INPP5D: variants seen among roughly 807,000 people sequenced by gnomAD.
INPP5D encodes inositol polyphosphate-5-phosphatase D.
A neutral mutation model predicts 122.9 loss-of-function variants in INPP5D; 33 were observed. The ratio of observed to expected loss-of-function variants is 0.27; its 90% CI spans 0.20 to 0.36. The LOEUF (loss-of-function observed/expected upper bound fraction) is 0.36. Among genes scored for constraint, INPP5D ranks in the 10% least tolerant of loss-of-function variants. The pLI, the probability that INPP5D is intolerant of heterozygous loss-of-function variation, is 1.00. For synonymous variants in INPP5D, 584 were observed against 576.2 expected (o/e 1.01, Z -0.19); for missense variants, 1,053 against 1,412.7 (o/e 0.75, Z 4.08).
chr2:233,091,258 C>G (rs1691986250), intron 2 of INPP5D, among the ~76,000 whole-genome samples: 1 of 152,340 alleles, frequency 6.6e-6, no homozygotes, highest in Middle Eastern at 3.4e-3. Flanking sequence ...CCTTATAGCA[C>G]TCCTGTTTTT....
At position 233,189,731 on chromosome 2, in the gene INPP5D, A is replaced by G. The variant is rs1695003461; in HGVS notation, c.2359-119A>G. ...ACCTGCTCTCTTGGGTATGGACAGC[A>G]GAGATTTAGATCTGATTACTAAGAA... On this transcript the variant is annotated intron_variant, in intron 21 of 26. Coordinates refer to ENST00000445964, the MANE Select transcript of INPP5D (RefSeq NM_001017915.3). The surrounding 1 kb of genome is among the most constrained non-coding windows in gnomAD (Gnocchi z 5.6). The G allele has an allele frequency of 7.0e-7, 1 of 1,435,118 alleles. No homozygotes were observed. The highest frequency in any genetic ancestry group is 9.3e-7 in the Non-Finnish European group (1 of 1,071,648). The allele number at this position is 1,435,118 out of a possible 1,614,324, so 88.9% of individuals were successfully genotyped here.
At chr2:233,113,906 CTTTTTTTT>C (rs778997649) in intron 2 of INPP5D, among the ~76,000 whole-genome samples, 1 of 127,766 alleles carries the variant, frequency 7.8e-6, no homozygotes, top group African/African-American at 3.2e-5. Flanking sequence ...CCAAACCACT[CTTTTTTTT>C]TTTTTTTTTT....
intron 18 of INPP5D, among the ~76,000 whole-genome samples, chr2:233,180,002 C>T (rs1694742952): frequency 6.6e-6 from 1 of 152,178 alleles, no homozygotes; most frequent in Non-Finnish European, 1.5e-5. Flanking sequence ...GGCAGGAGCC[C>T]ATCAGATCTG....
rs10208466 is a variant in INPP5D at position 233,183,238 on chromosome 2, G to T, written c.2161+739G>T. 0.023 allele frequency among the ~76,000 whole-genome samples: 3,509 copies of T among 152,220 alleles called. 58 individuals carry two copies. Among genetic ancestry groups the T allele is most frequent in the African/African-American group, 0.036 (1,500 of 41,522 alleles). ...GTCTCTGCCCAGTCTCTGCTTCCGC[G>T]GTCAGCCCAGTGGTCACTGGGCTCC... On this transcript the variant is annotated intron_variant, in intron 19 of 26. Transcript: ENST00000445964. This position sits in a 1 kb window ranked among gnomAD's most constrained non-coding sequence, Gnocchi z 4.6.
chr2:233,158,462 G>A (rs767727828), intron 10 of INPP5D, 43 bp downstream of exon 10: 2 of 681,408 alleles, frequency 2.9e-6, no homozygotes, highest in South Asian at 1.6e-5. Context: ...GAGGTAGGGA[G>A]GGGACACAAG....
At chr2:233,073,454 A>G (rs1691435232) in intron 1 of INPP5D, among the ~76,000 whole-genome samples, 1 of 152,086 alleles carries the variant, frequency 6.6e-6, no homozygotes. Flanking sequence ...AGCCTGGCCA[A>G]CATGGTGAAA....
chr2:233,168,810 T>G (rs1297135606), intron 13 of INPP5D: 1 of 153,664 alleles, frequency 6.5e-6, no homozygotes. Flanking sequence ...GAATCTGCCC[T>G]TCCATGAAGT....
chr2:233,187,468 C>T (rs1161735986), intron 21 of INPP5D, among the ~76,000 whole-genome samples: 1 of 152,308 alleles, frequency 6.6e-6, no homozygotes, highest in African/African-American at 2.4e-5. Context: ...CTTAAGCAGG[C>T]AGAGGGACCA....
At chr2:233,113,906 CTTTTTTT>C (rs778997649) in intron 2 of INPP5D, among the ~76,000 whole-genome samples, 1 of 127,766 alleles carries the variant, frequency 7.8e-6, no homozygotes, top group Non-Finnish European at 1.6e-5. Context: ...CCAAACCACT[CTTTTTTT>C]TTTTTTTTTT....
At chr2:233,180,230 A>T (rs1266268421) in intron 18 of INPP5D, among the ~76,000 whole-genome samples, 1 of 151,976 alleles carries the variant, frequency 6.6e-6, no homozygotes, top group Non-Finnish European at 1.5e-5. Context: ...GACCACAGAG[A>T]GTGTGGTTAC....
At chr2:233,097,652 G>A (rs146363554) in intron 2 of INPP5D, among the ~76,000 whole-genome samples, 20 of 152,068 alleles carry the variant, frequency 1.3e-4, no homozygotes, top group Non-Finnish European at 2.2e-4. Flanking sequence ...TGATAGTTTC[G>A]GTAGGGTACT....
Position 233,204,634 on chromosome 2 carries a change from C to T in INPP5D, c.3484C>T (p.Arg1162Cys), listed in dbSNP as rs897814366. The change falls in exon 26 of 27, where the codon CGC (arginine) becomes TGC (cysteine). Residue 1162 changes from arginine to cysteine, a missense_variant. Around this residue, in one of 6 missense-constraint regions of INPP5D, gnomAD observed 417 missense variants for 425.8 expected, o/e 0.98. Coordinates refer to ENST00000445964, the MANE Select transcript of INPP5D (RefSeq NM_001017915.3). ...CCAGCACTCCAAGGGCCGCGACTAC[C>T]GCGACAACACCGAGCTCCCGCATCA... is the stretch of plus-strand genomic sequence containing the variant. The part of the protein sequence containing the change: ...HLQHSKGRDY[R>C]DNTELPHHGK... The T allele has an allele frequency of 1.3e-6, 2 of 1,582,932 alleles. No individual in the cohort carries two copies. The highest frequency in any genetic ancestry group is 1.7e-6 in the Non-Finnish European group (2 of 1,166,000).
chr2:233,081,078 C>T (rs920990328), intron 2 of INPP5D, among the ~76,000 whole-genome samples: 6 of 152,320 alleles, frequency 3.9e-5, no homozygotes, highest in South Asian at 2.1e-4. Flanking sequence ...TGGCCTAGGG[C>T]GCCCGCAGGT....
At chr2:233,147,087 G>A (rs1203541569) in intron 8 of INPP5D, among the ~76,000 whole-genome samples, 1 of 152,224 alleles carries the variant, frequency 6.6e-6, no homozygotes, top group Non-Finnish European at 1.5e-5. Flanking sequence ...TGTTCAATCA[G>A]TGGTTGTAAC....
Position 233,060,367 on chromosome 2 carries a change from G to T in INPP5D, c.-112G>T. On this transcript the variant is annotated 5_prime_UTR_variant, in exon 1 of 27. Coordinates refer to ENST00000445964, the MANE Select transcript of INPP5D (RefSeq NM_001017915.3). ...AGTTAAGCTGGTGGCAGCAGCCGAG[G>T]CCACCAAGAGGCAACGGGCGGCAGG... is the stretch of plus-strand genomic sequence containing the variant. The T allele has an allele frequency of 7.8e-7, 1 of 1,279,614 alleles. No homozygotes were observed. The highest frequency in any genetic ancestry group is 1.1e-6 in the Non-Finnish European group (1 of 940,846). The allele number at this position is 1,279,614 out of a possible 1,614,324, so 79.3% of individuals were successfully genotyped here. A position where few individuals can be genotyped will look rare whatever the true frequency, so the allele number is the denominator to read the frequency against.
At position 233,189,980 on chromosome 2, in the gene INPP5D, C is replaced by T. The variant is rs770786309; in HGVS notation, c.2446+43C>T. Reference sequence around the variant, plus strand: ...GGTGCCACACCTGCCTGTGAACTGGCGGCCTCTGACGTAGCATTGCCTTCA... The same window carrying T: ...GGTGCCACACCTGCCTGTGAACTGGTGGCCTCTGACGTAGCATTGCCTTCA... On this transcript the variant is annotated intron_variant, in intron 22 of 26. Transcript: ENST00000445964. This position sits in a 1 kb window ranked among gnomAD's most constrained non-coding sequence, Gnocchi z 5.6. 5.6e-5 allele frequency: 90 copies of T among 1,602,680 alleles called. No individual in the cohort carries two copies. Among genetic ancestry groups the T allele is most frequent in the South Asian group, 5.4e-4 (48 of 89,670 alleles).
intron 12 of INPP5D, 36 bp downstream of exon 12, chr2:233,163,939 G>C: frequency 6.2e-7 from 1 of 1,605,656 alleles, no homozygotes; most frequent in Non-Finnish European, 8.5e-7. Flanking sequence ...GGGCTTCCGG[G>C]ATAGAATCTT....
chr2:233,183,259 G>A lies in INPP5D; in HGVS notation c.2161+760G>A, dbSNP rs1322029753. 6.6e-6 allele frequency among the ~76,000 whole-genome samples: 1 copy of A among 152,130 alleles called. No individual in the cohort carries two copies. Among genetic ancestry groups the A allele is most frequent in the Non-Finnish European group, 1.5e-5 (1 of 68,024 alleles). On this transcript the variant is annotated intron_variant, in intron 19 of 26. Transcript: ENST00000445964. The surrounding 1 kb of genome is among the most constrained non-coding windows in gnomAD (Gnocchi z 4.6). ...CCGCGGTCAGCCCAGTGGTCACTGG[G>A]CTCCTTTAGGAAGACCAAGCGTAGG...
chr2:233,172,961 C>T (rs1026755600), intron 17 of INPP5D, among the ~76,000 whole-genome samples: 10 of 152,176 alleles, frequency 6.6e-5, no homozygotes, highest in Admixed American at 6.5e-4. Flanking sequence ...ATAATCCCAG[C>T]ACTTTGGGAG....
Sources: allele counts gnomAD v4.1 joint callset (sites outside exome capture counted in the v4.1 genomes callset), GRCh38; gene constraint gnomAD v4.1.1; regional missense constraint gnomAD v4.1.1; non-coding constraint Gnocchi (gnomAD v3.1); transcripts MANE v1.5; gene names NCBI Gene and HGNC (gene_info 2026-07-23, HGNC 2026-07-21).